The following LARGE1 variants were observed in gnomAD, a reference collection of about 807,000 sequenced individuals.
LARGE1 encodes xylosyl- and glucuronyltransferase LARGE1.
In LARGE1, 43 loss-of-function variants were observed where a neutral mutation model predicts 87.6. The ratio of observed to expected loss-of-function variants is 0.49; its 90% CI spans 0.38 to 0.63. The LOEUF (loss-of-function observed/expected upper bound fraction) is 0.63, where lower values mean the gene tolerates loss of function less well. Ranked by LOEUF, LARGE1 falls within the 30% of genes least tolerant of loss-of-function variation. The pLI is 0.00. For missense variants in LARGE1, 802 were observed against 1,000.2 expected (o/e 0.80, Z 2.67); for synonymous variants, 434 against 394.6 (o/e 1.10, Z -1.18).
intron 12 of LARGE1, among the ~76,000 whole-genome samples, chr22:33,301,287 C>T (rs1224922131): frequency 6.6e-6 from 1 of 152,054 alleles, no homozygotes; most frequent in Non-Finnish European, 1.5e-5. Context: ...AATGACATTC[C>T]TCATTGATTC....
intron 1 of LARGE1, among the ~76,000 whole-genome samples, chr22:33,815,799 GC>G (rs2086631492): frequency 1.3e-5 from 2 of 152,188 alleles, no homozygotes; most frequent in South Asian, 4.1e-4. Context: ...GCTCAGCAGA[GC>G]CCTGTGAGTG....
chr22:33,748,136 T>TTTG (rs1294596391), intron 2 of LARGE1, among the ~76,000 whole-genome samples: 221 of 80,974 alleles, frequency 2.7e-3, no homozygotes, highest in African/African-American at 0.025. Context: ...TGCAGGTTTG[T>TTTG]TTTTTTTTTT....
intron 6 of LARGE1, among the ~76,000 whole-genome samples, chr22:33,476,059 G>C (rs188561272): frequency 3.1e-4 from 47 of 152,292 alleles, no homozygotes; most frequent in African/African-American, 1.0e-3. Flanking sequence ...CAAAAGCTAC[G>C]TATCTTCCTC....
At chr22:33,327,217 T>C (rs1937321889) in intron 10 of LARGE1, among the ~76,000 whole-genome samples, 2 of 152,194 alleles carry the variant, frequency 1.3e-5, no homozygotes, top group Non-Finnish European at 2.9e-5. Context: ...ATTTTTAACT[T>C]CTAGTTGAGG....
chr22:33,340,069 T>C (rs1938975699), intron 9 of LARGE1, among the ~76,000 whole-genome samples: 1 of 148,910 alleles, frequency 6.7e-6, no homozygotes, highest in Non-Finnish European at 1.5e-5. Flanking sequence ...TCATTATTAC[T>C]ATAGAATAAC....
At chr22:33,521,037 G>A (rs903779874) in intron 6 of LARGE1, among the ~76,000 whole-genome samples, 2 of 152,230 alleles carry the variant, frequency 1.3e-5, no homozygotes, top group Non-Finnish European at 2.9e-5. Flanking sequence ...CCAAAGAGGA[G>A]CCTGGATGAG....
At chr22:33,130,413 C>T in the LARGE1 span, among the ~76,000 whole-genome samples, 739 of 150,764 alleles carry the variant, frequency 4.9e-3, 3 homozygotes, top group Admixed American at 0.01. Context: ...TCACTTCAAT[C>T]CAGGAGGAGG....
intron 2 of LARGE1, among the ~76,000 whole-genome samples, chr22:33,698,133 T>C (rs1892424543): frequency 6.6e-6 from 1 of 152,184 alleles, no homozygotes; most frequent in African/African-American, 2.4e-5. Context: ...AGTGCAATGG[T>C]GCGATCTCTG....
chr22:33,723,108 A>C (rs1042306078), intron 2 of LARGE1, among the ~76,000 whole-genome samples: 2 of 152,236 alleles, frequency 1.3e-5, no homozygotes, highest in African/African-American at 4.8e-5. Context: ...GGAGGATAAA[A>C]GGAGGCAGAA....
chr22:33,239,959 A>C (rs1458855771), intron 11 of LARGE1, among the ~76,000 whole-genome samples: 1 of 152,212 alleles, frequency 6.6e-6, no homozygotes, highest in Non-Finnish European at 1.5e-5. Flanking sequence ...GGGAGAATAT[A>C]TATTTGCAAG....
chr22:33,296,731 A>C (rs1429889319), intron 12 of LARGE1, among the ~76,000 whole-genome samples: 2 of 151,858 alleles, frequency 1.3e-5, no homozygotes, highest in Admixed American at 1.3e-4. Flanking sequence ...ACCACGTCCA[A>C]CTAATTTTTG....
At chr22:33,757,694 G>C (rs1198697235) in intron 2 of LARGE1, among the ~76,000 whole-genome samples, 1 of 152,314 alleles carries the variant, frequency 6.6e-6, no homozygotes, top group South Asian at 2.1e-4. Context: ...CATAAAGTAT[G>C]AATAGTATTT....
chr22:33,309,819 G>A (rs1436968844), intron 11 of LARGE1, among the ~76,000 whole-genome samples: 2 of 152,142 alleles, frequency 1.3e-5, no homozygotes, highest in Admixed American at 6.5e-5. Flanking sequence ...ACAGGACGGT[G>A]AGGGGCAGGG....
intron 1 of LARGE1, among the ~76,000 whole-genome samples, chr22:33,893,807 C>T (rs1164700725): frequency 6.6e-6 from 1 of 152,188 alleles, no homozygotes; most frequent in Non-Finnish European, 1.5e-5. Flanking sequence ...ACACCACAAA[C>T]CCCACGTTTA....
At chr22:33,857,196 C>G (rs958842484) in intron 1 of LARGE1, among the ~76,000 whole-genome samples, 35 of 152,122 alleles carry the variant, frequency 2.3e-4, no homozygotes, top group African/African-American at 8.0e-4. Flanking sequence ...GGGATTACAG[C>G]GGTGAACCAC....
At chr22:33,115,954 G>A in the LARGE1 span, among the ~76,000 whole-genome samples, 6 of 152,204 alleles carry the variant, frequency 3.9e-5, no homozygotes, top group East Asian at 1.9e-4. Flanking sequence ...CACCTCCATC[G>A]TGGACTTCCA....
chr22:33,534,321 G>A (rs1337815426), intron 6 of LARGE1, among the ~76,000 whole-genome samples: 1 of 151,946 alleles, frequency 6.6e-6, no homozygotes, highest in Non-Finnish European at 1.5e-5. Flanking sequence ...GGAGAATGGT[G>A]TGAACCCAGG....
the LARGE1 span, among the ~76,000 whole-genome samples, chr22:33,098,426 T>C: frequency 2.0e-5 from 3 of 152,088 alleles, no homozygotes; most frequent in Non-Finnish European, 4.4e-5. Flanking sequence ...GAGACCATCC[T>C]GGCTAACACG....
intron 6 of LARGE1, among the ~76,000 whole-genome samples, chr22:33,461,800 T>G (rs780873639): frequency 2.6e-5 from 4 of 152,116 alleles, no homozygotes; most frequent in Non-Finnish European, 4.4e-5. Flanking sequence ...ATCTCCATGT[T>G]GTAGGGACAC....
Sources: allele counts gnomAD v4.1 joint callset (sites outside exome capture counted in the v4.1 genomes callset), GRCh38; gene constraint gnomAD v4.1.1; transcripts MANE v1.5; gene names NCBI Gene and HGNC (gene_info 2026-07-23, HGNC 2026-07-21).